Variants in SMIM28 observed in about 807,000 individuals in gnomAD.
The protein encoded by SMIM28 is small integral membrane protein 28.
At chr6:138,382,430 GAAA>G (rs59488191) in intron 1 of SMIM28, 67 bp from the exon 2 acceptor site, 205 of 307,774 alleles carry the variant, frequency 6.7e-4, no homozygotes, top group East Asian at 5.7e-3. Context: ...AAGAAAGAAA[GAAA>G]AAAAAAAAAA....
At chr6:138,378,335 C>A (rs1200505345) in intron 1 of SMIM28, among the ~76,000 whole-genome samples, 152 bp downstream of exon 1, 1 of 152,124 alleles carries the variant, frequency 6.6e-6, no homozygotes, top group Admixed American at 6.5e-5. Flanking sequence ...TTGGCATGGT[C>A]TAAAGGGGAT....
At chr6:138,380,691 T>A (rs1007435632) in intron 1 of SMIM28, among the ~76,000 whole-genome samples, 2 of 152,042 alleles carry the variant, frequency 1.3e-5, no homozygotes, top group Non-Finnish European at 2.9e-5. Flanking sequence ...GGCGTGAACC[T>A]GGGAAGCAGA....
In SMIM28 at chr6:138,380,769, A is replaced by C. The variant is rs1327919514; in HGVS notation, c.112-1731A>C. Among the ~76,000 whole-genome samples the C allele has an allele frequency of 2.3e-4, 9 of 39,706 alleles. No individual in the cohort carries two copies. The Admixed American group carries it at 3.0e-3, about 13-fold the overall frequency. The allele number at this position is 39,706 out of a possible 152,430, so 26.0% of individuals were successfully genotyped here. On this transcript the variant is annotated intron_variant, in intron 1 of 1. Transcript: ENST00000573100. ...GCGACAGAGCGAGACCCCGTCTCTA[A>C]ATAAATAAATACATAAATAAATGCA...
chr6:138,380,950 C>T (rs73570918), intron 1 of SMIM28, among the ~76,000 whole-genome samples: 24,055 of 150,720 alleles, frequency 0.16, 3,439 homozygotes, highest in African/African-American at 0.39. Flanking sequence ...TTGTCCAGGA[C>T]GGAGTGAAGT....
At chr6:138,381,899 T>C (rs186413470) in intron 1 of SMIM28, among the ~76,000 whole-genome samples, 1 of 152,362 alleles carries the variant, frequency 6.6e-6, no homozygotes, top group East Asian at 1.9e-4. Context: ...TATTTCAATA[T>C]TTTTACTTCG....
intron 1 of SMIM28, among the ~76,000 whole-genome samples, chr6:138,380,591 C>T (rs1384338974): frequency 2.0e-5 from 3 of 151,984 alleles, no homozygotes; most frequent in Non-Finnish European, 4.4e-5. Flanking sequence ...CACGGTGAAA[C>T]CCCGTCTGTA....
intron 1 of SMIM28, among the ~76,000 whole-genome samples, chr6:138,380,655 T>A (rs1245091197): frequency 1.3e-5 from 2 of 151,944 alleles, no homozygotes; most frequent in Non-Finnish European, 2.9e-5. Context: ...TAGTCCCAGC[T>A]ACTTGGGAGG....
intron 1 of SMIM28, among the ~76,000 whole-genome samples, chr6:138,380,843 T>C (rs17053764): frequency 0.16 from 24,104 of 151,656 alleles, 3,433 homozygotes; most frequent in African/African-American, 0.39. Flanking sequence ...AAAACATGTG[T>C]CCTTTCCACC....
intron 1 of SMIM28, among the ~76,000 whole-genome samples, chr6:138,379,807 CAA>C (rs1422077439): frequency 6.6e-6 from 1 of 152,074 alleles, no homozygotes; most frequent in Non-Finnish European, 1.5e-5. Flanking sequence ...TCTTTGTAAT[CAA>C]AGTCCTTATT....
At chr6:138,380,887 T>G (rs1430896348) in intron 1 of SMIM28, among the ~76,000 whole-genome samples, 1 of 151,928 alleles carries the variant, frequency 6.6e-6, no homozygotes, top group Non-Finnish European at 1.5e-5. Flanking sequence ...TCTCATAGTT[T>G]ATGAGGGTTT....
At chr6:138,381,605 C>T (rs1380645817) in intron 1 of SMIM28, among the ~76,000 whole-genome samples, 2 of 152,050 alleles carry the variant, frequency 1.3e-5, no homozygotes, top group Non-Finnish European at 2.9e-5. Context: ...TCATATTTAT[C>T]CTACAAGTTT....
rs1774328780 is a variant in SMIM28, at chr6:138,382,664, G to A, written c.276G>A (p.Glu92=). The A allele has an allele frequency of 2.5e-6, 1 of 398,652 alleles. No homozygotes were observed. The highest frequency in any genetic ancestry group is 4.4e-6 in the Non-Finnish European group (1 of 226,190). The allele number at this position is 398,652 out of a possible 1,614,324, so 24.7% of individuals were successfully genotyped here. ...AGGTGTTCAGCATTGACCTACCAGA[G>A]CACCCACCTGCAGGAGAGGTGACAG... The part of the protein sequence containing the change: ...QGQVFSIDLP[E]HPPAGEVTDL... The change falls in exon 2 of 2, where the codon GAG becomes GAA. Residue 92 remains glutamate, a synonymous_variant. Coordinates refer to ENST00000573100, the MANE Select transcript of SMIM28 (RefSeq NM_001368163.3).
intron 1 of SMIM28, among the ~76,000 whole-genome samples, chr6:138,380,745 C>T (rs1435489673): frequency 7.3e-6 from 1 of 137,004 alleles, no homozygotes; most frequent in Non-Finnish European, 1.6e-5. Context: ...CTAGTCTGGG[C>T]GACAGAGCGA....
Position 138,378,194 on chromosome 6 carries a change from A to T in SMIM28, c.111+11A>T. 1 of 398,594 alleles carries T rather than the reference A, an allele frequency of 2.5e-6. No individual in the cohort carries two copies. The highest frequency in any genetic ancestry group is 4.4e-6 in the Non-Finnish European group (1 of 226,060). The allele number at this position is 398,594 out of a possible 1,614,324, so 24.7% of individuals were successfully genotyped here. ...GAGACCCAGCTGCAGGTCTGTACTT[A>T]TGACTTAAGTCTTTTCTTCCCCAAA... On this transcript the variant is annotated intron_variant, in intron 1 of 1. Coordinates refer to ENST00000573100, the MANE Select transcript of SMIM28 (RefSeq NM_001368163.3).
chr6:138,378,143 C>T lies in SMIM28; in HGVS notation c.71C>T (p.Thr24Ile), dbSNP rs1239653950. 1.3e-5 allele frequency: 5 copies of T among 398,550 alleles called. No homozygotes were observed. The highest frequency in any genetic ancestry group is 6.2e-4 in the Middle Eastern group (1 of 1,610). 24.7% of individuals were successfully genotyped at this position (398,550 alleles called of 1,614,324 possible). A position where few individuals can be genotyped will look rare whatever the true frequency, so the allele number is the denominator to read the frequency against. ...HAGRGTYEWL[T>I]SEPGLPLLET... ...GGCCGGGGGACATATGAGTGGTTAA[C>T]CAGCGAGCCCGGCCTGCCTCTCCTG... Residue 24 changes from threonine to isoleucine, a missense_variant, in exon 1 of 2, where the codon ACC becomes ATC. Thr to Ile is a moderately conservative substitution (Grantham distance 89). Transcript: ENST00000573100.
rs1774273442 is a variant in SMIM28, at chr6:138,377,968, A to G, written c.-105A>G. The G allele has an allele frequency of 2.5e-6, 1 of 397,186 alleles. No homozygotes were observed. The highest frequency in any genetic ancestry group is 2.1e-5 in the African/African-American group (1 of 48,624). The allele number at this position is 397,186 out of a possible 1,614,324, so 24.6% of individuals were successfully genotyped here. A position where few individuals can be genotyped will look rare whatever the true frequency, so the allele number is the denominator to read the frequency against. ...TCAGAGGACGAGTTTACCAACAGCCATCAGCCAAGCACATCCAAACTGGAT... is the reference window on the plus strand; with the variant it reads ...TCAGAGGACGAGTTTACCAACAGCCGTCAGCCAAGCACATCCAAACTGGAT... On this transcript the variant is annotated 5_prime_UTR_variant, in exon 1 of 2. Transcript: ENST00000573100.
chr6:138,378,112 C>G lies in SMIM28; in HGVS notation c.40C>G (p.His14Asp), dbSNP rs765339382. 65 of 398,598 alleles carry G rather than the reference C, an allele frequency of 1.6e-4. No individual in the cohort carries two copies. Among genetic ancestry groups the G allele is most frequent in the Non-Finnish European group, 2.6e-4 (58 of 226,164 alleles). The allele number at this position is 398,598 out of a possible 1,614,324, so 24.7% of individuals were successfully genotyped here. ...GGGCAGCAGCTGGAAGAAGTTTGGA[C>G]ATGCTGGCCGGGGGACATATGAGTG... ...LLGSSWKKFG[H>D]AGRGTYEWLT... The change falls in exon 1 of 2, where the codon CAT becomes GAT. Residue 14 changes from histidine to aspartate, a missense_variant. Physicochemically the swap from His to Asp is moderately conservative, Grantham distance 81. Coordinates refer to ENST00000573100, the MANE Select transcript of SMIM28 (RefSeq NM_001368163.3).
intron 1 of SMIM28, among the ~76,000 whole-genome samples, chr6:138,380,864 AGTG>A (rs1774304713): frequency 6.6e-6 from 1 of 151,948 alleles, no homozygotes; most frequent in South Asian, 2.1e-4. Context: ...AAAATCAAGG[AGTG>A]AACCTCATCT....
intron 1 of SMIM28, among the ~76,000 whole-genome samples, chr6:138,380,001 C>T (rs371773164): frequency 1.3e-4 from 20 of 152,098 alleles, no homozygotes; most frequent in Admixed American, 3.9e-4. Context: ...CTTCTAGCCG[C>T]ACCAATAAAT....
Sources: allele counts gnomAD v4.1 joint callset (sites outside exome capture counted in the v4.1 genomes callset), GRCh38; gene constraint gnomAD v4.1.1; transcripts MANE v1.5; gene names NCBI Gene and HGNC (gene_info 2026-07-23, HGNC 2026-07-21).